DPP10: variants seen among roughly 807,000 people sequenced by gnomAD.
DPP10 encodes inactive dipeptidyl peptidase 10.
DPP10 carries 33 observed loss-of-function variants against 120.9 expected under a neutral mutation model. The ratio of observed to expected loss-of-function variants is 0.27; its 90% CI spans 0.21 to 0.37. DPP10 has a LOEUF of 0.37. DPP10 is among the 10% of genes least tolerant of loss of function. The probability of loss-of-function intolerance (pLI) is 1.00; values close to 1 mark genes in which losing one functional copy is unlikely to be tolerated. For synonymous variants in DPP10, 337 were observed against 326.1 expected (o/e 1.03, Z -0.36); for missense variants, 816 against 942.8 (o/e 0.87, Z 1.76).
At chr2:115,378,702 C>G (rs2066018647) in intron 3 of DPP10, among the ~76,000 whole-genome samples, 1 of 152,014 alleles carries the variant, frequency 6.6e-6, no homozygotes, top group African/African-American at 2.4e-5. Context: ...TCATAGATAG[C>G]TCTTATTATT....
At chr2:115,722,277 C>G (rs1475519541) in intron 7 of DPP10, among the ~76,000 whole-genome samples, 1 of 151,604 alleles carries the variant, frequency 6.6e-6, no homozygotes. Flanking sequence ...TTTTTTAACT[C>G]TTTGCAATAT....
At chr2:115,503,892 C>T (rs946529233) in intron 4 of DPP10, among the ~76,000 whole-genome samples, 9 of 152,202 alleles carry the variant, frequency 5.9e-5, no homozygotes, top group African/African-American at 2.2e-4. Context: ...GCATCCTACA[C>T]TTAACGCAAC....
At chr2:115,306,521 C>T (rs2061365759) in intron 1 of DPP10, among the ~76,000 whole-genome samples, 1 of 152,008 alleles carries the variant, frequency 6.6e-6, no homozygotes, top group Non-Finnish European at 1.5e-5. Flanking sequence ...ATTCTTTAGC[C>T]AGTGTAGGGA....
chr2:115,762,364 G>C (rs564211563), intron 11 of DPP10, among the ~76,000 whole-genome samples: 23 of 142,798 alleles, frequency 1.6e-4, no homozygotes, highest in Non-Finnish European at 3.1e-4. Context: ...ATTCACCAAA[G>C]AAAAGACTTT....
chr2:115,540,585 A>G (rs1004798816), intron 5 of DPP10, among the ~76,000 whole-genome samples: 7 of 151,908 alleles, frequency 4.6e-5, no homozygotes, highest in Admixed American at 3.3e-4. Flanking sequence ...TTTGATCTTC[A>G]TAAAGAAACA....
At chr2:115,469,900 G>GAAAAAAAAAAAAAAAA (rs751350699) in intron 3 of DPP10, among the ~76,000 whole-genome samples, 1 of 89,012 alleles carries the variant, frequency 1.1e-5, no homozygotes, top group Non-Finnish European at 2.4e-5. Context: ...AAAAAAAAAA[G>GAAAAAAAAAAAAAAAA]AAAAAAAAAA....
chr2:115,508,086 A>G (rs1371252437), intron 4 of DPP10, among the ~76,000 whole-genome samples: 2 of 152,204 alleles, frequency 1.3e-5, no homozygotes. Context: ...TTTCATGGTT[A>G]GGTCTTATAT....
intron 1 of DPP10, among the ~76,000 whole-genome samples, chr2:114,701,885 A>T (rs1201474190): frequency 6.6e-6 from 1 of 152,178 alleles, no homozygotes; most frequent in East Asian, 1.9e-4. Context: ...GCTAGCTACA[A>T]ATGAAAAATT....
intron 1 of DPP10, among the ~76,000 whole-genome samples, chr2:115,285,564 TC>T (rs2105896721): frequency 6.6e-6 from 1 of 152,196 alleles, no homozygotes; most frequent in Non-Finnish European, 1.5e-5. Context: ...GAAATGCTTT[TC>T]ATTTCAAGCA....
At chr2:115,366,770 A>G (rs2065103265) in intron 3 of DPP10, among the ~76,000 whole-genome samples, 1 of 152,068 alleles carries the variant, frequency 6.6e-6, no homozygotes, top group Non-Finnish European at 1.5e-5. Context: ...CTCAGTGTCT[A>G]ATCAAATTCC....
In DPP10 at chr2:115,644,848, G is replaced by A. The variant is rs551233935; in HGVS notation, c.442-44839G>A. The stretch of plus-strand genomic sequence containing the variant: ...TTGGTGTGGGTGGAGTTAACAGTCA[G>A]TACCACTAATCTCCATATTTTAATG... On this transcript the variant is annotated intron_variant, in intron 5 of 25. Transcript: ENST00000410059. 8.6e-4 allele frequency among the ~76,000 whole-genome samples: 131 copies of A among 152,194 alleles called. 1 individual carries two copies. The highest frequency in any genetic ancestry group is 1.5e-3 in the Non-Finnish European group (105 of 67,996).
At chr2:114,730,800 G>A (rs1293351213) in intron 1 of DPP10, among the ~76,000 whole-genome samples, 1 of 152,104 alleles carries the variant, frequency 6.6e-6, no homozygotes, top group Non-Finnish European at 1.5e-5. Flanking sequence ...CACCCTGTTA[G>A]GCTGGTCTTG....
At chr2:115,027,587 G>A (rs1015770681) in intron 1 of DPP10, among the ~76,000 whole-genome samples, 2 of 152,068 alleles carry the variant, frequency 1.3e-5, no homozygotes, top group Non-Finnish European at 2.9e-5. Context: ...TTGACCTGTA[G>A]CTTTCTTTTT....
At chr2:115,329,615 T>G (rs192205301) in intron 2 of DPP10, among the ~76,000 whole-genome samples, 1 of 152,196 alleles carries the variant, frequency 6.6e-6, no homozygotes, top group East Asian at 1.9e-4. Flanking sequence ...GGCCCTGGTG[T>G]GTGATGTTCC....
At position 114,616,135 on chromosome 2, in the gene DPP10, T is replaced by C. The variant is rs1051114041; in HGVS notation, c.60+173297T>C. ...AAGACAGGGAAAGACATCTGGAAAATTACCACAGTAGACTGGATTATCGCT... is the reference window on the plus strand; with the variant it reads ...AAGACAGGGAAAGACATCTGGAAAACTACCACAGTAGACTGGATTATCGCT... On this transcript the variant is annotated intron_variant, in intron 1 of 25. Transcript: ENST00000410059. 6.6e-5 allele frequency among the ~76,000 whole-genome samples: 10 copies of C among 152,108 alleles called. 1 individual carries two copies. Among genetic ancestry groups the C allele is most frequent in the Admixed American group, 6.6e-4 (10 of 15,256 alleles).
chr2:115,474,630 C>T (rs1328910743), intron 3 of DPP10, among the ~76,000 whole-genome samples: 3 of 150,996 alleles, frequency 2.0e-5, no homozygotes, highest in Non-Finnish European at 4.4e-5. Flanking sequence ...AGCCTATATT[C>T]GTATGTGCGA....
intron 5 of DPP10, among the ~76,000 whole-genome samples, chr2:115,598,328 C>G (rs183789580): frequency 3.3e-4 from 50 of 151,768 alleles, no homozygotes; most frequent in African/African-American, 1.1e-3. Context: ...TTTTCTGGTC[C>G]TTATGTTGGC....
chr2:115,777,347 A>T (rs562542920), intron 14 of DPP10, 48 bp downstream of exon 14: 2 of 1,475,400 alleles, frequency 1.4e-6, no homozygotes, highest in South Asian at 2.3e-5. Flanking sequence ...GCGTTGTCAA[A>T]TGCCATCTTT....
chr2:114,845,481 C>T (rs926074923), intron 1 of DPP10, among the ~76,000 whole-genome samples: 4 of 152,106 alleles, frequency 2.6e-5, no homozygotes, highest in African/African-American at 4.8e-5. Context: ...AGTACCCTCT[C>T]GCCAATCAGT....
Sources: gnomAD v4.1 joint callset for allele counts (sites outside exome capture counted in the v4.1 genomes callset) on GRCh38, gnomAD v4.1.1 for gene constraint, MANE v1.5 for transcripts, NCBI Gene and HGNC (gene_info 2026-07-23, HGNC 2026-07-21) for gene names.